The following KCNIP4 variants were observed in gnomAD, a reference collection of about 807,000 sequenced individuals.
KCNIP4 encodes the protein Kv channel-interacting protein 4.
Under a neutral mutation model 34.0 loss-of-function variants are expected in KCNIP4, and 12 were observed. The ratio of observed to expected loss-of-function variants is 0.35; its 90% CI spans 0.23 to 0.57. KCNIP4 has a LOEUF of 0.57. Among genes scored for constraint, KCNIP4 ranks in the 20% least tolerant of loss-of-function variants. The pLI is 0.83. For synonymous variants in KCNIP4, 124 were observed against 102.2 expected, an observed-to-expected ratio of 1.21 and a Z score of -1.29; for missense variants, 238 against 311.7, an observed-to-expected ratio of 0.76 and a Z score of 1.78.
At position 20,779,209 on chromosome 4, in the gene KCNIP4, T is replaced by C. The variant is rs908773569; in HGVS notation, c.289-20319A>G. ...TGTGGTTTTGATTGAATAATACAGA[T>C]CAAATTCCTCTGTCCCGTGAGAAAA... On this transcript the variant is annotated intron_variant, in intron 3 of 8. Coordinates refer to ENST00000382152, the MANE Select transcript of KCNIP4 (RefSeq NM_025221.6). 2.0e-5 allele frequency among the ~76,000 whole-genome samples: 3 copies of C among 152,080 alleles called. No individual in the cohort carries two copies. The South Asian group carries it at 6.2e-4, about 32-fold the overall frequency.
At chr4:21,543,474 C>G (rs1841367) in intron 1 of KCNIP4, among the ~76,000 whole-genome samples, 1 of 151,856 alleles carries the variant, frequency 6.6e-6, no homozygotes, top group Non-Finnish European at 1.5e-5. Context: ...CCCATGAAAC[C>G]TAAATTTGCT....
chr4:21,566,552 T>C (rs1260681894), intron 1 of KCNIP4, among the ~76,000 whole-genome samples: 1 of 152,142 alleles, frequency 6.6e-6, no homozygotes, highest in Non-Finnish European at 1.5e-5. Flanking sequence ...GTAAGTTTCC[T>C]GAGTCCTCCC....
intron 1 of KCNIP4, among the ~76,000 whole-genome samples, chr4:21,309,953 C>A (rs1356547891): frequency 6.6e-6 from 1 of 151,730 alleles, no homozygotes; most frequent in Non-Finnish European, 1.5e-5. Context: ...TATGTAGATA[C>A]TAGGTGGTAT....
At chr4:21,441,138 T>C (rs1020784238) in intron 1 of KCNIP4, among the ~76,000 whole-genome samples, 1 of 129,484 alleles carries the variant, frequency 7.7e-6, no homozygotes, top group Non-Finnish European at 1.6e-5. Flanking sequence ...GACACCTTTC[T>C]TTTTTTTTTT....
intron 1 of KCNIP4, among the ~76,000 whole-genome samples, chr4:21,809,957 T>C (rs1379883614): frequency 6.6e-6 from 1 of 152,180 alleles, no homozygotes; most frequent in Non-Finnish European, 1.5e-5. Flanking sequence ...ATCATGTAAT[T>C]GCCTCCTATG....
chr4:21,917,728 C>A (rs906136062), intron 1 of KCNIP4, among the ~76,000 whole-genome samples: 3 of 152,094 alleles, frequency 2.0e-5, no homozygotes, highest in Non-Finnish European at 4.4e-5. Flanking sequence ...GAGAATAAGG[C>A]AGCTTCAGTT....
chr4:20,850,336 A>T, intron 3 of KCNIP4: 1 of 455,126 alleles, frequency 2.2e-6, no homozygotes, highest in Non-Finnish European at 3.9e-6. Context: ...CTCTTTGTTT[A>T]ATGGGCAATC....
intron 1 of KCNIP4, among the ~76,000 whole-genome samples, chr4:21,636,792 T>C (rs548497078): frequency 6.6e-6 from 1 of 152,180 alleles, no homozygotes; most frequent in Non-Finnish European, 1.5e-5. Flanking sequence ...CCATTCTACA[T>C]GAGTCCAAAG....
At chr4:21,462,831 AC>A (rs1729587752) in intron 1 of KCNIP4, among the ~76,000 whole-genome samples, 1 of 150,336 alleles carries the variant, frequency 6.7e-6, no homozygotes, top group Non-Finnish European at 1.5e-5. Flanking sequence ...GTGTTTGTAT[AC>A]CATATATATG....
intron 5 of KCNIP4, among the ~76,000 whole-genome samples, chr4:20,748,516 A>G (rs1752849024): frequency 6.8e-6 from 1 of 146,792 alleles, no homozygotes; most frequent in Non-Finnish European, 1.5e-5. Context: ...CATATTTAAG[A>G]TGCATCCTTC....
At chr4:20,855,972 A>G (rs1337930949) in intron 2 of KCNIP4, among the ~76,000 whole-genome samples, 1 of 152,176 alleles carries the variant, frequency 6.6e-6, no homozygotes, top group African/African-American at 2.4e-5. Flanking sequence ...AGTAGCTGGA[A>G]AAAGGCACCT....
At chr4:21,226,600 A>G (rs1758426390) in intron 1 of KCNIP4, among the ~76,000 whole-genome samples, 2 of 150,694 alleles carry the variant, frequency 1.3e-5, no homozygotes, top group South Asian at 4.2e-4. Flanking sequence ...TTTTAAGCAC[A>G]ATGAAATGCT....
intron 3 of KCNIP4, among the ~76,000 whole-genome samples, chr4:20,798,682 C>T (rs909856508): frequency 6.6e-6 from 1 of 152,116 alleles, no homozygotes; most frequent in Non-Finnish European, 1.5e-5. Context: ...AAAAAGATAC[C>T]TCGCCTCCGC....
chr4:20,870,312 C>A (rs573551165), intron 2 of KCNIP4, among the ~76,000 whole-genome samples: 2 of 152,046 alleles, frequency 1.3e-5, no homozygotes, highest in South Asian at 4.2e-4. Context: ...TAGCACTGCC[C>A]CCTTCACTCT....
intron 1 of KCNIP4, among the ~76,000 whole-genome samples, chr4:21,743,450 G>A (rs1030463750): frequency 6.7e-5 from 10 of 150,226 alleles, no homozygotes; most frequent in African/African-American, 2.5e-4. Flanking sequence ...ATTACATCAG[G>A]CTCACCCAGG....
rs1294305935 is a variant in KCNIP4, at chr4:21,931,272, T to G, written c.61+17299A>C. Among the ~76,000 whole-genome samples, 12 of 152,078 alleles carry G rather than the reference T, an allele frequency of 7.9e-5. No individual in the cohort carries two copies. The South Asian group carries it at 1.9e-3, about 24-fold the overall frequency. On this transcript the variant is annotated intron_variant, in intron 1 of 8. Coordinates refer to ENST00000382152, the MANE Select transcript of KCNIP4 (RefSeq NM_025221.6). ...TTATGAAAACTATCCTTTTCTTTGT[T>G]TTTTTTAAATTATACTTTAAGTTTT...
At chr4:21,469,912 G>T (rs935896228) in intron 1 of KCNIP4, among the ~76,000 whole-genome samples, 1 of 152,130 alleles carries the variant, frequency 6.6e-6, no homozygotes, top group Non-Finnish European at 1.5e-5. Context: ...CATGTAAATA[G>T]CCAGAATTTT....
At chr4:20,783,581 C>A (rs1370885673) in intron 3 of KCNIP4, among the ~76,000 whole-genome samples, 4 of 152,116 alleles carry the variant, frequency 2.6e-5, no homozygotes, top group Non-Finnish European at 5.9e-5. Context: ...TATGGGGAAC[C>A]ACACCCATTA....
intron 1 of KCNIP4, among the ~76,000 whole-genome samples, chr4:21,875,339 A>G (rs1434723174): frequency 2.0e-5 from 3 of 152,200 alleles, no homozygotes; most frequent in Admixed American, 1.3e-4. Context: ...CCAGCAGCCA[A>G]TAGAGACAGG....
Sources: gnomAD v4.1 joint callset for allele counts (sites outside exome capture counted in the v4.1 genomes callset) on GRCh38, gnomAD v4.1.1 for gene constraint, MANE v1.5 for transcripts, NCBI Gene and HGNC (gene_info 2026-07-23, HGNC 2026-07-21) for gene names.